The following ENOX1 variants were observed in gnomAD, a reference collection of about 807,000 sequenced individuals.
ENOX1 encodes the protein candidate growth-related and time keeping constitutive hydroquinone (NADH) oxidase.
A neutral mutation model predicts 82.5 loss-of-function variants in ENOX1; 42 were observed. That is an observed-to-expected ratio of 0.51 (90% CI 0.40 to 0.66). The LOEUF (loss-of-function observed/expected upper bound fraction) is 0.66, where lower values mean the gene tolerates loss of function less well. ENOX1 is among the 30% of genes least tolerant of loss of function. The pLI is 0.00. For synonymous variants in ENOX1, 271 were observed against 282.2 expected, an observed-to-expected ratio of 0.96 and a Z score of 0.40; for missense variants, 608 against 811.6, an observed-to-expected ratio of 0.75 and a Z score of 3.05.
intron 2 of ENOX1, among the ~76,000 whole-genome samples, chr13:43,572,359 A>G (rs940437466): frequency 6.6e-6 from 1 of 152,220 alleles, no homozygotes; most frequent in Non-Finnish European, 1.5e-5. Context: ...TAAGCTGAGG[A>G]CAGTGGAATA....
rs566860518 is a variant in ENOX1 at position 43,504,019 on chromosome 13, T to A, written c.-218-19867A>T. Among the ~76,000 whole-genome samples the A allele has an allele frequency of 2.6e-5, 4 of 151,488 alleles. No individual in the cohort carries two copies. The East Asian group carries it at 7.8e-4, about 29-fold the overall frequency. ...GCAACTCAATAGCAAAAAAATCCAA[T>A]AAAAATGGGTAAAGAAACTGAGTAG... On this transcript the variant is annotated intron_variant, in intron 2 of 16. Coordinates refer to ENST00000690772, the MANE Select transcript of ENOX1 (RefSeq NM_001347969.2).
At chr13:43,325,158 C>T (rs2153529258) in intron 10 of ENOX1, among the ~76,000 whole-genome samples, 1 of 152,030 alleles carries the variant, frequency 6.6e-6, no homozygotes, top group South Asian at 2.1e-4. Context: ...AAGTCAGAGT[C>T]AGGGAGAACA....
chr13:43,754,321 G>T (rs1456086968), intron 1 of ENOX1, among the ~76,000 whole-genome samples: 1 of 61,318 alleles, frequency 1.6e-5, no homozygotes, highest in African/African-American at 3.0e-5. Flanking sequence ...GTGTGTGTGT[G>T]TGTATATATA....
chr13:43,694,371 A>G (rs1411084203), intron 1 of ENOX1, among the ~76,000 whole-genome samples: 1 of 152,178 alleles, frequency 6.6e-6, no homozygotes, highest in African/African-American at 2.4e-5. Flanking sequence ...ATGAAAAATA[A>G]TTCCATCACA....
chr13:43,751,354 GT>G (rs1950303874), intron 1 of ENOX1, among the ~76,000 whole-genome samples: 4 of 152,082 alleles, frequency 2.6e-5, no homozygotes, highest in Non-Finnish European at 5.9e-5. Context: ...ACTGCACTGG[GT>G]TTTTAAAAAT....
At chr13:43,626,753 A>G (rs1404157417) in intron 2 of ENOX1, among the ~76,000 whole-genome samples, 1 of 151,872 alleles carries the variant, frequency 6.6e-6, no homozygotes, top group Non-Finnish European at 1.5e-5. Flanking sequence ...GAAAAAATAT[A>G]TATATTCTGC....
intron 2 of ENOX1, among the ~76,000 whole-genome samples, chr13:43,647,635 C>T (rs1227081789): frequency 6.6e-6 from 1 of 152,212 alleles, no homozygotes; most frequent in Non-Finnish European, 1.5e-5. Context: ...TTGGGCTTGA[C>T]TATCCCTATA....
intron 1 of ENOX1, among the ~76,000 whole-genome samples, chr13:43,725,686 C>T (rs1326961053): frequency 6.6e-6 from 1 of 152,062 alleles, no homozygotes; most frequent in African/African-American, 2.4e-5. Flanking sequence ...ATAGTTTTCG[C>T]CTGGCACGGT....
chr13:43,716,788 C>CA (rs33980324), intron 1 of ENOX1, among the ~76,000 whole-genome samples: 90,929 of 147,752 alleles, frequency 0.62, 28,752 homozygotes, highest in South Asian at 0.79. Context: ...ACAATACCCA[C>CA]AAAAAAAAAA....
At chr13:43,470,354 G>GTATATATATATGTA (rs1343682344) in intron 3 of ENOX1, among the ~76,000 whole-genome samples, 12 of 38,454 alleles carry the variant, frequency 3.1e-4, no homozygotes, top group South Asian at 1.1e-3. Flanking sequence ...ATATATATAT[G>GTATATATATATGTA]TATATATATA....
At chr13:43,661,568 A>G (rs1421980680) in intron 2 of ENOX1, among the ~76,000 whole-genome samples, 2 of 152,200 alleles carry the variant, frequency 1.3e-5, no homozygotes, top group Non-Finnish European at 2.9e-5. Context: ...TAATCTGCCA[A>G]TACTGTATAG....
intron 3 of ENOX1, among the ~76,000 whole-genome samples, chr13:43,442,712 G>C (rs984879): frequency 6.6e-6 from 1 of 151,988 alleles, no homozygotes; most frequent in African/African-American, 2.4e-5. Context: ...TCCATATCCC[G>C]GCTCTGTGTC....
intron 3 of ENOX1, among the ~76,000 whole-genome samples, chr13:43,414,809 T>A (rs931058210): frequency 6.6e-6 from 1 of 152,168 alleles, no homozygotes; most frequent in Non-Finnish European, 1.5e-5. Flanking sequence ...TAATCACACA[T>A]TTTTTTCTCG....
At chr13:43,405,433 G>A (rs909262325) in intron 5 of ENOX1, among the ~76,000 whole-genome samples, 2 of 152,084 alleles carry the variant, frequency 1.3e-5, no homozygotes, top group African/African-American at 4.8e-5. Flanking sequence ...CTGCTTGCCA[G>A]GCCCATAAAT....
chr13:43,674,190 A>G (rs1594357515), intron 1 of ENOX1, among the ~76,000 whole-genome samples: 2 of 152,322 alleles, frequency 1.3e-5, no homozygotes, highest in South Asian at 4.1e-4. Context: ...CTGAGTATGT[A>G]TTATGCAGCA....
intron 10 of ENOX1, 73 bp downstream of exon 10, chr13:43,326,346 G>GTATAGCATA: frequency 1.5e-6 from 2 of 1,314,796 alleles, no homozygotes; most frequent in East Asian, 2.3e-5. Flanking sequence ...AAACCATCAT[G>GTATAGCATA]GCTGCAGCCA....
intron 2 of ENOX1, among the ~76,000 whole-genome samples, chr13:43,518,946 T>C (rs1441871577): frequency 6.6e-6 from 1 of 152,146 alleles, no homozygotes; most frequent in Non-Finnish European, 1.5e-5. Context: ...CATTCTTTCA[T>C]TAAATTCAGC....
At chr13:43,265,556 T>G in intron 13 of ENOX1, 102 bp from the exon 14 acceptor site, 1 of 979,770 alleles carries the variant, frequency 1.0e-6, no homozygotes, top group African/African-American at 1.6e-5. Context: ...AGGTTGCATT[T>G]TATAAAACTT....
In ENOX1 at chr13:43,345,739, T is replaced by C. The variant is rs528464873; in HGVS notation, c.824-989A>G. On this transcript the variant is annotated intron_variant, in intron 8 of 16. Coordinates refer to ENST00000690772, the MANE Select transcript of ENOX1 (RefSeq NM_001347969.2). ...CAAACCTGAGGGGAGAAGCTTTTCA[T>C]TGTGTTCTGCAATCCCTAGAAAATG... Among the ~76,000 whole-genome samples, 7 of 152,328 alleles carry C rather than the reference T, an allele frequency of 4.6e-5. No individual in the cohort carries two copies. In the East Asian group the frequency reaches 5.8e-4, roughly 13 times the overall value.
Sources: gnomAD v4.1 joint callset for allele counts (sites outside exome capture counted in the v4.1 genomes callset) on GRCh38, gnomAD v4.1.1 for gene constraint, MANE v1.5 for transcripts, NCBI Gene and HGNC (gene_info 2026-07-23, HGNC 2026-07-21) for gene names.